Variants in ACMSD observed in about 807,000 individuals in gnomAD.
The protein encoded by ACMSD is 2-amino-3-carboxymuconate-6-semialdehyde decarboxylase.
Under a neutral mutation model 45.9 loss-of-function variants are expected in ACMSD, and 37 were observed. The ratio of observed to expected loss-of-function variants is 0.81; its 90% CI spans 0.62 to 1.06. ACMSD has a LOEUF of 1.06. Among genes scored for constraint, ACMSD ranks in the 50% least tolerant of loss-of-function variants. The pLI, the probability that ACMSD is intolerant of heterozygous loss-of-function variation, is 0.00. For synonymous variants in ACMSD, 138 were observed against 148.8 expected (o/e 0.93, Z 0.53); for missense variants, 434 against 420.9 (o/e 1.03, Z -0.27).
intron 9 of ACMSD, among the ~76,000 whole-genome samples, chr2:134,900,064 A>G (rs1346214536): frequency 6.6e-6 from 1 of 152,184 alleles, no homozygotes; most frequent in Non-Finnish European, 1.5e-5. Context: ...ATTTTGAACC[A>G]TGCGAAGGTA....
chr2:134,899,490 T>C (rs930006174), intron 9 of ACMSD, among the ~76,000 whole-genome samples: 1 of 152,094 alleles, frequency 6.6e-6, no homozygotes, highest in Non-Finnish European at 1.5e-5. Context: ...TCTTTTTTTT[T>C]AAACAACAAA....
intron 5 of ACMSD, among the ~76,000 whole-genome samples, chr2:134,864,976 C>A (rs928303459): frequency 6.6e-6 from 1 of 152,010 alleles, no homozygotes; most frequent in Non-Finnish European, 1.5e-5. Flanking sequence ...TTTTTTATTT[C>A]CCTCCTAGAA....
At chr2:134,888,804 G>A (rs1689608824) in intron 8 of ACMSD, among the ~76,000 whole-genome samples, 1 of 151,934 alleles carries the variant, frequency 6.6e-6, no homozygotes, top group Non-Finnish European at 1.5e-5. Context: ...CTAGTCTACG[G>A]TGAAAAAAAA....
At chr2:134,854,455 G>A (rs890260730) in intron 2 of ACMSD, among the ~76,000 whole-genome samples, 1 of 152,198 alleles carries the variant, frequency 6.6e-6, no homozygotes, top group Non-Finnish European at 1.5e-5. Flanking sequence ...GCCACTCCCA[G>A]TCATGGACAG....
chr2:134,845,372 T>A (rs1687002134), intron 2 of ACMSD, 95 bp downstream of exon 2: 1 of 1,316,770 alleles, frequency 7.6e-7, no homozygotes, highest in African/African-American at 1.4e-5. Flanking sequence ...GGAACCCCAC[T>A]CTTCTGCCCA....
At chr2:134,867,516 G>GA in intron 5 of ACMSD, 63 bp from the exon 6 acceptor site, 3 of 1,307,866 alleles carry the variant, frequency 2.3e-6, no homozygotes, top group Non-Finnish European at 3.3e-6. Context: ...CCCCAAAACA[G>GA]TACCTGGTAT....
intron 5 of ACMSD, 56 bp from the exon 6 acceptor site, chr2:134,867,523 G>C (rs1273774494): frequency 1.5e-6 from 2 of 1,372,066 alleles, no homozygotes; most frequent in African/African-American, 2.9e-5. Flanking sequence ...ACAGTACCTG[G>C]TATCTGCTCA....
chr2:134,860,715 T>C (rs1687805068), intron 3 of ACMSD, among the ~76,000 whole-genome samples: 1 of 152,068 alleles, frequency 6.6e-6, no homozygotes, highest in Non-Finnish European at 1.5e-5. Flanking sequence ...TTGCTTTATA[T>C]ATTTTTTAAC....
rs182210289 is a variant in ACMSD at position 134,901,056 on chromosome 2, C to T, written c.949-742C>T. On this transcript the variant is annotated intron_variant, in intron 9 of 9. Coordinates refer to ENST00000356140, the MANE Select transcript of ACMSD (RefSeq NM_138326.3). ...GAGTAAGAGGTCCTGCCTCAAATCA[C>T]CCACTTTTCAAGGCTGTGTAAGAAC... is the stretch of plus-strand genomic sequence containing the variant. Among the ~76,000 whole-genome samples, 14 of 152,274 alleles carry T rather than the reference C, an allele frequency of 9.2e-5. No individual in the cohort carries two copies. In the East Asian group the frequency reaches 2.7e-3, roughly 29 times the overall value.
intron 8 of ACMSD, among the ~76,000 whole-genome samples, chr2:134,879,178 C>G (rs984413367): frequency 6.6e-6 from 1 of 152,178 alleles, no homozygotes; most frequent in Non-Finnish European, 1.5e-5. Flanking sequence ...CCCCATAGTA[C>G]CAGTCCATGG....
At chr2:134,848,540 GCTT>G (rs750514267) in intron 2 of ACMSD, among the ~76,000 whole-genome samples, 7 of 152,298 alleles carry the variant, frequency 4.6e-5, no homozygotes, top group Non-Finnish European at 8.8e-5. Context: ...GTGATGATGA[GCTT>G]TTTTGCATGT....
At chr2:134,890,882 AG>A (rs1689745329) in intron 8 of ACMSD, among the ~76,000 whole-genome samples, 1 of 152,124 alleles carries the variant, frequency 6.6e-6, no homozygotes. Flanking sequence ...TTCATTAATC[AG>A]TTAGTGAATA....
intron 6 of ACMSD, among the ~76,000 whole-genome samples, chr2:134,868,524 C>T (rs1178928590): frequency 6.7e-6 from 1 of 148,340 alleles, no homozygotes; most frequent in Non-Finnish European, 1.5e-5. Context: ...GCAATCTCAG[C>T]TCACTGAAAA....
At chr2:134,871,373 A>T (rs1375690153) in intron 7 of ACMSD, among the ~76,000 whole-genome samples, 1 of 152,190 alleles carries the variant, frequency 6.6e-6, no homozygotes. Context: ...CTCCAAGCAC[A>T]GTCACATTTG....
chr2:134,895,196 C>A (rs1310485506), intron 8 of ACMSD, among the ~76,000 whole-genome samples: 2 of 151,520 alleles, frequency 1.3e-5, no homozygotes, highest in Admixed American at 6.6e-5. Flanking sequence ...ATCCCAGCTA[C>A]TAGGGAGGCT....
At chr2:134,896,134 T>C (rs1260723403) in intron 8 of ACMSD, among the ~76,000 whole-genome samples, 1 of 152,214 alleles carries the variant, frequency 6.6e-6, no homozygotes, top group Non-Finnish European at 1.5e-5. Context: ...ACTCCTTCTT[T>C]ACACCATGCA....
At chr2:134,895,349 A>ATGTTATAT (rs138907753) in intron 8 of ACMSD, among the ~76,000 whole-genome samples, 1 of 140,042 alleles carries the variant, frequency 7.1e-6, no homozygotes, top group Non-Finnish European at 1.5e-5. Context: ...ATATATATAT[A>ATGTTATAT]ACATATATAA....
rs1301172291 is a variant in ACMSD, at chr2:134,885,477, TC to T, written c.849+12837del. Among the ~76,000 whole-genome samples the T allele has an allele frequency of 3.7e-4, 30 of 81,658 alleles. 1 individual carries two copies. Among genetic ancestry groups the T allele is most frequent in the African/African-American group, 1.8e-3 (30 of 17,092 alleles). 53.6% of individuals were successfully genotyped at this position (81,658 alleles called of 152,430 possible). The stretch of plus-strand genomic sequence containing the variant: ...CATATGTTAGATATGTGATTTTTTT[TC>T]AGGTCTAGTTAGTCAGACTTCATCT... On this transcript the variant is annotated intron_variant, in intron 8 of 9. Transcript: ENST00000356140.
chr2:134,888,569 G>A (rs1283471699), intron 8 of ACMSD, among the ~76,000 whole-genome samples: 1 of 152,094 alleles, frequency 6.6e-6, no homozygotes, highest in Admixed American at 6.6e-5. Context: ...TGGAAAAAGT[G>A]TTAAATGTCC....
Sources: allele counts gnomAD v4.1 joint callset (sites outside exome capture counted in the v4.1 genomes callset), GRCh38; gene constraint gnomAD v4.1.1; transcripts MANE v1.5; gene names NCBI Gene and HGNC (gene_info 2026-07-23, HGNC 2026-07-21).